Variants in HMBOX1 observed in about 807,000 individuals in gnomAD.
HMBOX1 encodes the protein homeobox containing 1.
Under a neutral mutation model 54.5 loss-of-function variants are expected in HMBOX1, and 14 were observed. The observed-to-expected ratio is 0.26, with a 90% CI of 0.17 to 0.40. HMBOX1 has a LOEUF of 0.40. HMBOX1 is among the 10% of genes least tolerant of loss of function. HMBOX1 has a pLI of 1.00. For missense variants in HMBOX1, 332 were observed against 514.4 expected, an observed-to-expected ratio of 0.65 and a Z score of 3.43; for synonymous variants, 160 against 181.0, an observed-to-expected ratio of 0.88 and a Z score of 0.93.
At chr8:28,963,535 C>G (rs1285494850) in intron 1 of HMBOX1, among the ~76,000 whole-genome samples, 1 of 152,182 alleles carries the variant, frequency 6.6e-6, no homozygotes, top group Non-Finnish European at 1.5e-5. Flanking sequence ...ATCAGTGCCT[C>G]TATAACTATG....
At chr8:29,001,549 CAAACAAAACAAAACAAAACAAAACA>C (rs59794853) in intron 4 of HMBOX1, among the ~76,000 whole-genome samples, 4 of 149,600 alleles carry the variant, frequency 2.7e-5, no homozygotes, top group Non-Finnish European at 4.4e-5. Flanking sequence ...GATTCCATCT[CAAACAAAACAAAACAAAACAAAACA>C]AAACAAAACA....
At chr8:28,911,038 G>C (rs916389063) in intron 1 of HMBOX1, among the ~76,000 whole-genome samples, 3 of 152,126 alleles carry the variant, frequency 2.0e-5, no homozygotes, top group Admixed American at 1.3e-4. Context: ...CTGATATTCT[G>C]GTGGTTGTAC....
At chr8:28,903,837 G>A (rs1168300641) in intron 1 of HMBOX1, among the ~76,000 whole-genome samples, 1 of 152,080 alleles carries the variant, frequency 6.6e-6, no homozygotes, top group Non-Finnish European at 1.5e-5. Flanking sequence ...TGGTTACAGG[G>A]CAGTGGTTTT....
intron 3 of HMBOX1, among the ~76,000 whole-genome samples, chr8:28,979,436 A>G (rs1828987310): frequency 6.6e-6 from 1 of 152,228 alleles, no homozygotes; most frequent in Admixed American, 6.5e-5. Flanking sequence ...ATTCTTATAT[A>G]TAATACAAAA....
chr8:28,939,076 G>T (rs1167859589), intron 1 of HMBOX1, among the ~76,000 whole-genome samples: 2 of 152,022 alleles, frequency 1.3e-5, no homozygotes, highest in South Asian at 4.1e-4. Flanking sequence ...GATCACCTGA[G>T]GTCAAGAGTT....
At chr8:29,026,625 T>C (rs1802089435) in intron 6 of HMBOX1, among the ~76,000 whole-genome samples, 1 of 152,202 alleles carries the variant, frequency 6.6e-6, no homozygotes, top group Non-Finnish European at 1.5e-5. Flanking sequence ...GCCTGGTTTT[T>C]CCTTTTTCTA....
chr8:29,022,578 A>G (rs1485685651), intron 6 of HMBOX1, among the ~76,000 whole-genome samples: 6 of 152,198 alleles, frequency 3.9e-5, no homozygotes, highest in African/African-American at 1.4e-4. Context: ...GTTGAAACCC[A>G]TGTAGTGGAG....
intron 4 of HMBOX1, among the ~76,000 whole-genome samples, chr8:28,980,439 A>G (rs1456534213): frequency 2.6e-5 from 4 of 152,174 alleles, no homozygotes; most frequent in East Asian, 1.9e-4. Flanking sequence ...ATTGTGACAG[A>G]GCATATGACA....
chr8:28,996,557 T>A (rs1369831436), intron 4 of HMBOX1, among the ~76,000 whole-genome samples: 1 of 152,176 alleles, frequency 6.6e-6, no homozygotes, highest in Admixed American at 6.5e-5. Context: ...AGGTGGAGGC[T>A]GGGTTGTCTT....
chr8:28,978,762 G>T (rs983525254), intron 3 of HMBOX1, among the ~76,000 whole-genome samples: 1 of 121,376 alleles, frequency 8.2e-6, no homozygotes, highest in Non-Finnish European at 1.6e-5. Flanking sequence ...ACTCCAGCCC[G>T]AGCAACAGAG....
At chr8:28,957,515 A>G (rs1824685600) in intron 1 of HMBOX1, among the ~76,000 whole-genome samples, 1 of 152,204 alleles carries the variant, frequency 6.6e-6, no homozygotes, top group South Asian at 2.1e-4. Flanking sequence ...GCATCATGCA[A>G]TATACCCTTG....
intron 8 of HMBOX1, 200 bp from the exon 9 acceptor site, chr8:29,048,754 A>G: frequency 1.9e-6 from 1 of 526,864 alleles, no homozygotes; most frequent in Non-Finnish European, 3.4e-6. Flanking sequence ...AGACCCCAGA[A>G]TGGCAAATGT....
intron 4 of HMBOX1, among the ~76,000 whole-genome samples, chr8:28,988,113 A>G (rs1830425218): frequency 6.6e-6 from 1 of 152,150 alleles, no homozygotes; most frequent in African/African-American, 2.4e-5. Flanking sequence ...CCTGGCAACC[A>G]TTCATCTGCA....
chr8:28,924,315 T>C (rs1397810774), intron 1 of HMBOX1, among the ~76,000 whole-genome samples: 2 of 151,984 alleles, frequency 1.3e-5, no homozygotes, highest in East Asian at 3.9e-4. Context: ...TTCACCATGT[T>C]AGCCAGGATG....
chr8:28,962,093 C>T (rs1825713913), intron 1 of HMBOX1, among the ~76,000 whole-genome samples: 1 of 151,624 alleles, frequency 6.6e-6, no homozygotes, highest in Non-Finnish European at 1.5e-5. Flanking sequence ...TCTTAATACC[C>T]ATTTTTATTT....
At chr8:28,978,771 A>T (rs1266030652) in intron 3 of HMBOX1, among the ~76,000 whole-genome samples, 2 of 117,332 alleles carry the variant, frequency 1.7e-5, no homozygotes, top group African/African-American at 6.8e-5. Flanking sequence ...CGAGCAACAG[A>T]GTGAGACTCC....
intron 5 of HMBOX1, among the ~76,000 whole-genome samples, chr8:29,011,237 A>G (rs1834183858): frequency 6.6e-6 from 1 of 152,236 alleles, no homozygotes; most frequent in Non-Finnish European, 1.5e-5. Flanking sequence ...CACTGGAGAA[A>G]AATACTTTGT....
intron 5 of HMBOX1, chr8:29,009,744 T>C (rs1833988081): frequency 7.8e-7 from 1 of 1,285,408 alleles, no homozygotes; most frequent in African/African-American, 1.5e-5. Context: ...GAATGAAATC[T>C]TAAGAAAACT....
intron 1 of HMBOX1, among the ~76,000 whole-genome samples, chr8:28,926,171 G>C (rs1033495318): frequency 6.6e-6 from 1 of 151,972 alleles, no homozygotes; most frequent in Non-Finnish European, 1.5e-5. Flanking sequence ...GCATGGTGGC[G>C]TATGCCTGTA....
Sources: gnomAD v4.1 joint callset for allele counts (sites outside exome capture counted in the v4.1 genomes callset) on GRCh38, gnomAD v4.1.1 for gene constraint, MANE v1.5 for transcripts, NCBI Gene and HGNC (gene_info 2026-07-23, HGNC 2026-07-21) for gene names.